RBFOX3: variants seen among roughly 807,000 people sequenced by gnomAD.
RBFOX3 encodes the protein RNA binding fox-1 homolog 3.
A neutral mutation model predicts 48.7 loss-of-function variants in RBFOX3; 17 were observed. That is an observed-to-expected ratio of 0.35 (90% CI 0.24 to 0.52). The LOEUF (loss-of-function observed/expected upper bound fraction) is 0.52, where lower values mean the gene tolerates loss of function less well. Ranked by LOEUF, RBFOX3 falls within the 20% of genes least tolerant of loss-of-function variation. RBFOX3 has a pLI of 0.94. For missense variants in RBFOX3, 382 were observed against 497.5 expected, an observed-to-expected ratio of 0.77 and a Z score of 2.21; for synonymous variants, 212 against 209.5, an observed-to-expected ratio of 1.01 and a Z score of -0.10.
At chr17:79,469,118 T>C (rs1304801615) in intron 2 of RBFOX3, among the ~76,000 whole-genome samples, 1 of 151,166 alleles carries the variant, frequency 6.6e-6, no homozygotes, top group African/African-American at 2.5e-5. Context: ...TGGATATAGC[T>C]CCTCTATAGA....
chr17:79,620,479 A>ATACG, the RBFOX3 span, among the ~76,000 whole-genome samples: 1 of 142,472 alleles, frequency 7.0e-6, no homozygotes, highest in Non-Finnish European at 1.5e-5. Context: ...ACGTGCACAC[A>ATACG]CGCACGTGCA....
At chr17:79,123,789 A>G (rs1345780778) in intron 4 of RBFOX3, among the ~76,000 whole-genome samples, 1 of 152,154 alleles carries the variant, frequency 6.6e-6, no homozygotes, top group Non-Finnish European at 1.5e-5. Context: ...AAGTTTGGCC[A>G]GCCCCCGCCT....
At chr17:79,264,366 A>G (rs556047131) in intron 3 of RBFOX3, among the ~76,000 whole-genome samples, 1 of 138,398 alleles carries the variant, frequency 7.2e-6, no homozygotes, top group South Asian at 2.5e-4. Context: ...GTGAGCCACC[A>G]AGCCTGGCTT....
intron 1 of RBFOX3, among the ~76,000 whole-genome samples, chr17:79,495,557 TACTGGGG>T (rs1568343129): frequency 6.1e-4 from 2 of 3,264 alleles, no homozygotes; most frequent in African/African-American, 9.7e-4. Context: ...GGGGCAGGGG[TACTGGGG>T]GCAGGGATGG....
intron 3 of RBFOX3, among the ~76,000 whole-genome samples, chr17:79,266,943 A>G (rs959164793): frequency 6.6e-6 from 1 of 152,154 alleles, no homozygotes; most frequent in African/African-American, 2.4e-5. Flanking sequence ...AATCATTTGC[A>G]TGCCACTTTC....
intron 1 of RBFOX3, among the ~76,000 whole-genome samples, chr17:79,539,814 A>G (rs1555789678): frequency 6.6e-6 from 1 of 152,250 alleles, no homozygotes; most frequent in South Asian, 2.1e-4. Flanking sequence ...ATGCTATTAC[A>G]GGTAGGGTCC....
chr17:79,375,054 G>A (rs1011979253), intron 2 of RBFOX3, among the ~76,000 whole-genome samples: 2 of 152,080 alleles, frequency 1.3e-5, no homozygotes, highest in African/African-American at 4.8e-5. Flanking sequence ...CTGGTCCCCT[G>A]GGCTCGCCAA....
At chr17:79,557,752 C>T (rs1033778589) in intron 1 of RBFOX3, among the ~76,000 whole-genome samples, 8 of 152,196 alleles carry the variant, frequency 5.3e-5, no homozygotes, top group Non-Finnish European at 8.8e-5. Context: ...CAGATGTCAG[C>T]GTATCGGGCA....
At chr17:79,466,142 C>A (rs2076285105) in intron 2 of RBFOX3, among the ~76,000 whole-genome samples, 1 of 152,228 alleles carries the variant, frequency 6.6e-6, no homozygotes, top group African/African-American at 2.4e-5. Flanking sequence ...GTTTTCTACC[C>A]CGTGGGGCTG....
At chr17:79,517,434 G>A (rs1473100273) in intron 1 of RBFOX3, among the ~76,000 whole-genome samples, 1 of 127,876 alleles carries the variant, frequency 7.8e-6, no homozygotes, top group East Asian at 2.3e-4. Flanking sequence ...TATACAGTGA[G>A]AGTCTGTCTC....
intron 2 of RBFOX3, among the ~76,000 whole-genome samples, chr17:79,368,943 G>A (rs1209207815): frequency 6.6e-6 from 1 of 152,216 alleles, no homozygotes; most frequent in Non-Finnish European, 1.5e-5. Context: ...ATGACAGGAT[G>A]CAGCCATGGG....
intron 2 of RBFOX3, among the ~76,000 whole-genome samples, chr17:79,406,463 T>C (rs1176894108): frequency 6.6e-6 from 1 of 152,136 alleles, no homozygotes; most frequent in Non-Finnish European, 1.5e-5. Context: ...CACCTGCTTC[T>C]CCCTGGGCTG....
intron 4 of RBFOX3, among the ~76,000 whole-genome samples, chr17:79,180,096 C>T (rs1022532444): frequency 1.1e-4 from 16 of 152,116 alleles, no homozygotes; most frequent in African/African-American, 2.7e-4. Flanking sequence ...GAAATCATCC[C>T]GGGATGGTCG....
intron 1 of RBFOX3, among the ~76,000 whole-genome samples, chr17:79,496,721 C>T (rs1026744765): frequency 1.7e-4 from 26 of 152,148 alleles, no homozygotes; most frequent in Non-Finnish European, 3.8e-4. Flanking sequence ...CTCCTAGAGA[C>T]GGCCCTTACC....
Position 79,220,781 on chromosome 17 carries a change from G to T in RBFOX3, c.-34+14985C>A, listed in dbSNP as rs1387393097. On this transcript the variant is annotated intron_variant, in intron 4 of 14. Transcript: ENST00000693108. The surrounding 1 kb of genome is among the most constrained non-coding windows in gnomAD (Gnocchi z 5.9). The stretch of plus-strand genomic sequence containing the variant: ...GAGGTGACACTGCCTGGAGACCCCA[G>T]CCCCAAGTTGGAGCAGCAGGGAGGG... Among the ~76,000 whole-genome samples, 2 of 152,116 alleles carry T rather than the reference G, an allele frequency of 1.3e-5. No homozygotes were observed. Among genetic ancestry groups the T allele is most frequent in the Non-Finnish European group, 2.9e-5 (2 of 68,010 alleles).
chr17:79,142,819 C>A lies in RBFOX3; in HGVS notation c.-33-27071G>T, dbSNP rs1337163075. On this transcript the variant is annotated intron_variant, in intron 4 of 14. Transcript: ENST00000693108. ...ACAGCCCCCAAGGTCCTCTGGTTCC[C>A]AAGAGACTTTTCTACCAAGAGCCAT... 1.7e-4 allele frequency among the ~76,000 whole-genome samples: 26 copies of A among 152,242 alleles called. 1 individual carries two copies. Among genetic ancestry groups the A allele is most frequent in the African/African-American group, 5.3e-4 (22 of 41,536 alleles).
intron 2 of RBFOX3, among the ~76,000 whole-genome samples, chr17:79,427,386 AC>A (rs1555726108): frequency 6.6e-6 from 1 of 152,086 alleles, no homozygotes; most frequent in African/African-American, 2.4e-5. Context: ...GGCGGGAAGC[AC>A]CCCTGTCTCT....
At chr17:79,519,156 G>C (rs1469060071) in intron 1 of RBFOX3, among the ~76,000 whole-genome samples, 1 of 152,228 alleles carries the variant, frequency 6.6e-6, no homozygotes, top group Non-Finnish European at 1.5e-5. Flanking sequence ...ATAAAAATCG[G>C]AAGAAACAAA....
chr17:79,221,797 C>G (rs898898883), intron 4 of RBFOX3, among the ~76,000 whole-genome samples: 6 of 152,226 alleles, frequency 3.9e-5, no homozygotes, highest in African/African-American at 4.8e-5. Flanking sequence ...AAGGCCGCCG[C>G]CCATAGCTCT....
Sources: allele counts gnomAD v4.1 joint callset (sites outside exome capture counted in the v4.1 genomes callset), GRCh38; gene constraint gnomAD v4.1.1; non-coding constraint Gnocchi (gnomAD v3.1); transcripts MANE v1.5; gene names NCBI Gene and HGNC (gene_info 2026-07-23, HGNC 2026-07-21).